Variants in LY96 observed in about 807,000 individuals in gnomAD.
LY96 encodes the protein lymphocyte antigen 96, also known as myeloid differentiation protein-2.
Under a neutral mutation model 18.9 loss-of-function variants are expected in LY96, and 18 were observed. The observed-to-expected ratio is 0.95, with a 90% CI of 0.66 to 1.41. The LOEUF (loss-of-function observed/expected upper bound fraction) is 1.41. Among genes scored for constraint, LY96 ranks in the 40% most tolerant of loss-of-function variants. The probability of loss-of-function intolerance (pLI) is 0.00; values close to 1 mark genes in which losing one functional copy is unlikely to be tolerated. For synonymous variants in LY96, 66 were observed against 62.6 expected, an observed-to-expected ratio of 1.06 and a Z score of -0.26; for missense variants, 175 against 182.4, an observed-to-expected ratio of 0.96 and a Z score of 0.23.
the LY96 span, among the ~76,000 whole-genome samples, chr8:74,074,496 C>G: frequency 6.6e-6 from 1 of 151,448 alleles, no homozygotes. Flanking sequence ...TATTTATGCT[C>G]TGATGTTTAT....
the LY96 span, among the ~76,000 whole-genome samples, chr8:74,098,254 T>C: frequency 4.6e-5 from 7 of 152,182 alleles, no homozygotes; most frequent in Non-Finnish European, 8.8e-5. Context: ...AGGATTTCTT[T>C]TGGAAACTGT....
At chr8:74,034,836 A>T in the LY96 span, among the ~76,000 whole-genome samples, 1 of 152,128 alleles carries the variant, frequency 6.6e-6, no homozygotes, top group Admixed American at 6.5e-5. Context: ...GCCAGTTTTG[A>T]GGGATAGAAT....
chr8:74,047,521 C>A, the LY96 span, among the ~76,000 whole-genome samples: 8 of 152,166 alleles, frequency 5.3e-5, no homozygotes, highest in Admixed American at 5.2e-4. Flanking sequence ...AAGCATCATG[C>A]CCAGTAATAT....
At chr8:74,075,944 C>G in the LY96 span, among the ~76,000 whole-genome samples, 1 of 152,272 alleles carries the variant, frequency 6.6e-6, no homozygotes, top group Non-Finnish European at 1.5e-5. Flanking sequence ...AGGTGCTAGA[C>G]GGAGAAGACC....
chr8:74,023,132 G>C (rs909047568), intron 3 of LY96, among the ~76,000 whole-genome samples: 1 of 152,304 alleles, frequency 6.6e-6, no homozygotes. Flanking sequence ...TCCCTGGACC[G>C]GTTCTTGGTT....
At chr8:73,995,396 G>C (rs1816105442) in intron 1 of LY96, among the ~76,000 whole-genome samples, 1 of 152,140 alleles carries the variant, frequency 6.6e-6, no homozygotes, top group African/African-American at 2.4e-5. Context: ...GCGTTTCTTT[G>C]TGTGTCCAAA....
At chr8:74,025,654 C>CA (rs574843103) in intron 3 of LY96, among the ~76,000 whole-genome samples, 985 of 68,448 alleles carry the variant, frequency 0.014, 6 homozygotes, top group Non-Finnish European at 0.021. Flanking sequence ...AACTCCGTCT[C>CA]AAAAAAAAAA....
the LY96 span, among the ~76,000 whole-genome samples, chr8:74,044,895 T>C: frequency 6.6e-6 from 1 of 152,242 alleles, no homozygotes; most frequent in Non-Finnish European, 1.5e-5. Flanking sequence ...TTATTCTCTA[T>C]GAAAGAAACT....
intron 3 of LY96, among the ~76,000 whole-genome samples, chr8:74,023,823 A>T (rs886206647): frequency 2.0e-5 from 3 of 152,214 alleles, no homozygotes; most frequent in Non-Finnish European, 4.4e-5. Context: ...CTGGCATTGT[A>T]TTATAAAAAG....
At chr8:74,017,557 C>A (rs1816670223) in intron 3 of LY96, among the ~76,000 whole-genome samples, 1 of 152,134 alleles carries the variant, frequency 6.6e-6, no homozygotes, top group Admixed American at 6.6e-5. Context: ...GAGAACACCA[C>A]AAGGTACTCC....
the LY96 span, among the ~76,000 whole-genome samples, chr8:74,070,684 G>A: frequency 2.0e-5 from 3 of 151,818 alleles, no homozygotes; most frequent in South Asian, 2.1e-4. Flanking sequence ...GATTCACCTC[G>A]TGTTCTTACC....
chr8:74,041,751 T>C, the LY96 span, among the ~76,000 whole-genome samples: 3 of 152,212 alleles, frequency 2.0e-5, no homozygotes, highest in Non-Finnish European at 4.4e-5. Flanking sequence ...GGTTCTCTGC[T>C]CTTGAACCCT....
chr8:74,009,966 T>A, intron 2 of LY96, 35 bp from the exon 3 acceptor site: 1 of 1,499,804 alleles, frequency 6.7e-7, no homozygotes, highest in Non-Finnish European at 9.3e-7. Flanking sequence ...AAGAATCTAC[T>A]ATTTGAGGGC....
chr8:74,031,253 T>A (rs935836417), downstream of LY96, among the ~76,000 whole-genome samples: 1 of 152,154 alleles, frequency 6.6e-6, no homozygotes, highest in Non-Finnish European at 1.5e-5. Flanking sequence ...CTATTTCTCT[T>A]TCTTTTCTCT....
the LY96 span, among the ~76,000 whole-genome samples, chr8:74,059,620 A>G: frequency 6.6e-6 from 1 of 152,232 alleles, no homozygotes; most frequent in Non-Finnish European, 1.5e-5. Flanking sequence ...ATAAAATGAA[A>G]TGTCTAATTC....
chr8:74,084,468 G>A, the LY96 span, among the ~76,000 whole-genome samples: 2 of 152,118 alleles, frequency 1.3e-5, no homozygotes, highest in Non-Finnish European at 2.9e-5. Context: ...ATTAATGCTG[G>A]CTTCTTTCCC....
chr8:74,034,841 T>C, the LY96 span, among the ~76,000 whole-genome samples: 2 of 152,072 alleles, frequency 1.3e-5, no homozygotes, highest in African/African-American at 4.8e-5. Flanking sequence ...TTTTGAGGGA[T>C]AGAATTAAGT....
At chr8:74,010,504 TA>T (rs200999919) in intron 3 of LY96, among the ~76,000 whole-genome samples, 66 of 151,862 alleles carry the variant, frequency 4.3e-4, no homozygotes, top group Non-Finnish European at 7.1e-4. Context: ...TAAAAATGAA[TA>T]AAAAAAAGGA....
At chr8:74,084,692 C>A in the LY96 span, among the ~76,000 whole-genome samples, 22 of 152,182 alleles carry the variant, frequency 1.4e-4, no homozygotes, top group African/African-American at 5.1e-4. Context: ...CGGCTCACTG[C>A]AACTTCTGCC....
Sources: gnomAD v4.1 joint callset for allele counts (sites outside exome capture counted in the v4.1 genomes callset) on GRCh38, gnomAD v4.1.1 for gene constraint, MANE v1.5 for transcripts, NCBI Gene and HGNC (gene_info 2026-07-23, HGNC 2026-07-21) for gene names.